Variants in NT5C3B observed in about 807,000 individuals in gnomAD.
NT5C3B encodes 5'-nucleotidase, cytosolic IIIB.
A neutral mutation model predicts 32.5 loss-of-function variants in NT5C3B; 28 were observed. The ratio of observed to expected loss-of-function variants is 0.86; its 90% confidence interval spans 0.64 to 1.18. NT5C3B has a LOEUF of 1.18. Ranked by LOEUF, NT5C3B falls within the 50% of genes most tolerant of loss-of-function variation. The probability of loss-of-function intolerance (pLI) is 0.00; values close to 1 mark genes in which losing one functional copy is unlikely to be tolerated. For synonymous variants in NT5C3B, 138 were observed against 118.0 expected (o/e 1.17, Z -1.10); for missense variants, 317 against 322.0 (o/e 0.98, Z 0.12).
At chr17:41,827,650 G>A (rs782209596) in intron 7 of NT5C3B, 24 bp from the exon 8 acceptor site, 1 of 838,666 alleles carries the variant, frequency 1.2e-6, no homozygotes. Context: ...ACAAGAGACA[G>A]ATGGAAGGGC....
At chr17:41,830,604 C>G (rs1267945973) in intron 6 of NT5C3B, among the ~76,000 whole-genome samples, 197 bp downstream of exon 6, 1 of 152,204 alleles carries the variant, frequency 6.6e-6, no homozygotes, top group Non-Finnish European at 1.5e-5. Flanking sequence ...CCATTTTGTA[C>G]TACATCCACT....
chr17:41,828,721 A>C, intron 7 of NT5C3B, 69 bp downstream of exon 7: 1 of 1,399,922 alleles, frequency 7.1e-7, no homozygotes, highest in Non-Finnish European at 1.0e-6. Context: ...GGGTTCATGC[A>C]GAGTTAACTG....
intron 6 of NT5C3B, 122 bp downstream of exon 6, chr17:41,830,679 G>C (rs1342704178): frequency 2.8e-6 from 2 of 705,882 alleles, no homozygotes; most frequent in African/African-American, 3.5e-5. Context: ...GTTGTTCATA[G>C]TGCCATGTCC....
Position 41,835,968 on chromosome 17 carries a change from A to C in NT5C3B, c.13-11T>G, listed in dbSNP as rs782241055. 7.4e-5 allele frequency: 116 copies of C among 1,566,962 alleles called. No individual in the cohort carries two copies. The highest frequency in any genetic ancestry group is 9.9e-5 in the Non-Finnish European group (114 of 1,156,122). On this transcript the variant is annotated splice_polypyrimidine_tract_variant and intron_variant, in intron 1 of 8. Transcript: ENST00000435506. Reference sequence around the variant, plus strand: ...CATCAGGGTGCTCACCTGTCCCGAGACCCGAGAGAACCACTGACCCCTGCG... The same window carrying C: ...CATCAGGGTGCTCACCTGTCCCGAGCCCCGAGAGAACCACTGACCCCTGCG...
At position 41,835,912 on chromosome 17, in the gene NT5C3B, G is replaced by A. The variant is rs782133156; in HGVS notation, c.58C>T (p.Arg20Trp). Residue 20 changes from arginine (R) to tryptophan (W), a missense_variant, in exon 2 of 9, where the codon CGG (arginine) becomes TGG (tryptophan). Coordinates refer to ENST00000435506, the MANE Select transcript of NT5C3B (RefSeq NM_052935.5). ...AGGGCGCCCACGATCTCCTGCACCCGCCCAGGCTGCCGCATCAGGACCGTG... is the reference window on the plus strand; with the variant it reads ...AGGGCGCCCACGATCTCCTGCACCCACCCAGGCTGCCGCATCAGGACCGTG... ...KATVLMRQPG[R>W]VQEIVGALRK... 2.5e-6 allele frequency: 4 copies of A among 1,606,190 alleles called. No individual in the cohort carries two copies. The highest frequency in any genetic ancestry group is 2.5e-6 in the Non-Finnish European group (3 of 1,177,328).
Position 41,828,884 on chromosome 17 carries a change from C to A in NT5C3B, c.473G>T (p.Gly158Val), listed in dbSNP as rs1555618622. 6.2e-7 allele frequency: 1 copy of A among 1,613,756 alleles called. No homozygotes were observed. The highest frequency in any genetic ancestry group is 1.3e-5 in the African/African-American group (1 of 75,008). Residue 158 changes from glycine (G) to valine (V), a missense_variant, in exon 7 of 9, where the codon GGC becomes GTC. By Grantham distance (109) the Gly-to-Val change is moderately radical. Coordinates refer to ENST00000435506, the MANE Select transcript of NT5C3B (RefSeq NM_052935.5). ...NNIPLFIFSA[G>V]IGDILEEIIR... is the part of the protein sequence containing the mutation. ...AATTTCTTCCAGGATATCACCAATG[C>A]CCGCAGAAAAGATGAAAAGGGGAAT...
Position 41,827,559 on chromosome 17 carries a change from T to G in NT5C3B, c.635A>C (p.Asn212Thr). 1.1e-6 allele frequency: 1 copy of G among 870,358 alleles called. No homozygotes were observed. Among genetic ancestry groups the G allele is most frequent in the Non-Finnish European group, 2.0e-6 (1 of 499,326 alleles). 53.9% of individuals were successfully genotyped at this position (870,358 alleles called of 1,614,324 possible). Residue 212 changes from asparagine (N) to threonine (T), a missense_variant, in exon 8 of 9, where the codon AAC becomes ACC. By Grantham distance (65) the Asn-to-Thr change is moderately conservative. Coordinates refer to ENST00000435506, the MANE Select transcript of NT5C3B (RefSeq NM_052935.5). ...TYNKNSSACE[N>T]SGYFQQLEGK... is the part of the protein sequence containing the mutation. ...CTCAAGTTGCTGGAAGTAACCAGAGTTCTCACACGCAGAGCTGTTCTTGTT... is the reference window on the plus strand; with the variant it reads ...CTCAAGTTGCTGGAAGTAACCAGAGGTCTCACACGCAGAGCTGTTCTTGTT...
Position 41,835,903 on chromosome 17 carries a change from C to A in NT5C3B, c.67G>T (p.Glu23Ter). The stretch of plus-strand genomic sequence containing the variant: ...CCCTTGCGGAGGGCGCCCACGATCT[C>A]CTGCACCCGCCCAGGCTGCCGCATC... ...VLMRQPGRVQ[E>*]IVGALRKGGG... Residue 23 changes from glutamate to a stop codon, truncating the protein, a stop_gained, in exon 2 of 9, where the codon GAG (glutamate) becomes TAG (stop). Coordinates refer to ENST00000435506, the MANE Select transcript of NT5C3B (RefSeq NM_052935.5). LOFTEE classifies it high-confidence loss of function. 6.2e-7 allele frequency: 1 copy of A among 1,608,704 alleles called. No individual in the cohort carries two copies. The highest frequency in any genetic ancestry group is 1.1e-5 in the South Asian group (1 of 90,322).
chr17:41,825,731 T>G, intron 8 of NT5C3B, 74 bp from the exon 9 acceptor site: 1 of 850,158 alleles, frequency 1.2e-6, no homozygotes, highest in East Asian at 2.4e-5. Context: ...TCAAAGCCCC[T>G]GGGGCTGGGG....
intron 8 of NT5C3B, among the ~76,000 whole-genome samples, chr17:41,826,738 T>C (rs4334345): frequency 0.76 from 115,834 of 151,738 alleles, 44,492 homozygotes; most frequent in Admixed American, 0.84. Context: ...TGGTGGATCA[T>C]GCCTATAATC....
chr17:41,832,146 T>C (rs2048062088), intron 5 of NT5C3B, among the ~76,000 whole-genome samples: 1 of 152,156 alleles, frequency 6.6e-6, no homozygotes, highest in Non-Finnish European at 1.5e-5. Flanking sequence ...AAAGCACTTA[T>C]CCCCCAACAC....
intron 4 of NT5C3B, among the ~76,000 whole-genome samples, chr17:41,834,105 T>C (rs11657944): frequency 0.76 from 115,861 of 151,934 alleles, 44,447 homozygotes; most frequent in Admixed American, 0.84. Flanking sequence ...AACCTTTCTC[T>C]AAAAATCAGG....
rs371701668 is a variant in NT5C3B, at chr17:41,832,470, G to A, written c.236C>T (p.Ala79Val). 21 of 1,613,182 alleles carry A rather than the reference G, an allele frequency of 1.3e-5. No individual in the cohort carries two copies. The highest frequency in any genetic ancestry group is 2.7e-5 in the African/African-American group (2 of 74,976). Residue 79 changes from alanine (A) to valine (V), a missense_variant, in exon 5 of 9, where the codon GCG (alanine) becomes GTG (valine). By Grantham distance (64) the Ala-to-Val change is moderately conservative (BLOSUM62 0). Transcript: ENST00000435506. The part of the protein sequence containing the change: ...ISEECRKELT[A>V]LLHHYYPIEI... ...AATTGGGTAATAGTGGTGAAGGAGCGCTGTGAGCTGGGATATCCAAATGGG... is the reference window on the plus strand; with the variant it reads ...AATTGGGTAATAGTGGTGAAGGAGCACTGTGAGCTGGGATATCCAAATGGG...
chr17:41,827,134 G>A (rs1237595902), intron 8 of NT5C3B, among the ~76,000 whole-genome samples: 1 of 151,524 alleles, frequency 6.6e-6, no homozygotes, highest in Non-Finnish European at 1.5e-5. Context: ...GTGAAACCCC[G>A]TCTCTACTAA....
At chr17:41,835,761 G>T in intron 2 of NT5C3B, 98 bp downstream of exon 2, 1 of 1,217,260 alleles carries the variant, frequency 8.2e-7, no homozygotes, top group Non-Finnish European at 1.2e-6. Flanking sequence ...CAGAGAGCTA[G>T]GAGGGGTCCG....
In NT5C3B at chr17:41,832,535, C is replaced by A; in HGVS notation, c.229-58G>T. 3 of 1,483,880 alleles carry A rather than the reference C, an allele frequency of 2.0e-6. No individual in the cohort carries two copies. In the Admixed American group the frequency reaches 5.1e-5, roughly 25 times the overall value. 91.9% of individuals were successfully genotyped at this position (1,483,880 alleles called of 1,614,324 possible). On this transcript the variant is annotated intron_variant, in intron 4 of 8. Transcript: ENST00000435506. ...GTCCATATCAAGTTCTTCCCAGCAA[C>A]GTCCTACAGCTTAGTATGAGAAAAA...
In NT5C3B at chr17:41,825,569, T is replaced by C. The variant is rs1208363153; in HGVS notation, c.857A>G (p.Gln286Arg). The change falls in exon 9 of 9, where the codon CAG (glutamine) becomes CGG (arginine). Residue 286 changes from glutamine (Q) to arginine (R), a missense_variant. Coordinates refer to ENST00000435506, the MANE Select transcript of NT5C3B (RefSeq NM_052935.5). Reference sequence around the variant, plus strand: ...CTGGACCCCCTGGCACAGGATGTGCTGCAGTAGCCCGTTGACCACATCCAG... The same window carrying C: ...CTGGACCCCCTGGCACAGGATGTGCCGCAGTAGCCCGTTGACCACATCCAG... ...ETLDVVNGLL[Q>R]HILCQGVQLE... The C allele has an allele frequency of 2.3e-6, 2 of 872,720 alleles. No individual in the cohort carries two copies. The highest frequency in any genetic ancestry group is 4.0e-6 in the Non-Finnish European group (2 of 501,682). The allele number at this position is 872,720 out of a possible 1,614,324, so 54.1% of individuals were successfully genotyped here.
chr17:41,828,035 A>C (rs1555618452), intron 7 of NT5C3B, among the ~76,000 whole-genome samples: 1 of 152,226 alleles, frequency 6.6e-6, no homozygotes, highest in African/African-American at 2.4e-5. Flanking sequence ...TGTGATATAA[A>C]TGCCACTCAG....
chr17:41,835,169 C>G (rs782642032), intron 3 of NT5C3B, 34 bp downstream of exon 3: 1 of 1,613,426 alleles, frequency 6.2e-7, no homozygotes, highest in Admixed American at 1.7e-5. Context: ...ATCGTCTTGT[C>G]AAGCTCAACA....
Sources: gnomAD v4.1 joint callset for allele counts (sites outside exome capture counted in the v4.1 genomes callset) on GRCh38, gnomAD v4.1.1 for gene constraint, MANE v1.5 for transcripts, NCBI Gene and HGNC (gene_info 2026-07-23, HGNC 2026-07-21) for gene names.